Variants in ELAVL4 observed in about 807,000 individuals in gnomAD.
The protein encoded by ELAVL4 is ELAV like RNA binding protein 4.
In ELAVL4, 1 loss-of-function variant was observed where a neutral mutation model predicts 35.6. That is an observed-to-expected ratio of 0.03 (90% CI 0.01 to 0.13). The LOEUF (loss-of-function observed/expected upper bound fraction) is 0.13. Ranked by LOEUF, ELAVL4 falls within the 10% of genes least tolerant of loss-of-function variation. The pLI is 1.00. For missense variants in ELAVL4, 267 were observed against 464.9 expected (o/e 0.57, Z 3.91); for synonymous variants, 156 against 171.0 (o/e 0.91, Z 0.69).
At chr1:50,066,600 A>G (rs1370751879) in intron 1 of ELAVL4, among the ~76,000 whole-genome samples, 1 of 152,182 alleles carries the variant, frequency 6.6e-6, no homozygotes, top group Non-Finnish European at 1.5e-5. Context: ...TTATTTTAAA[A>G]TATAATTAGA....
chr1:50,079,518 T>A (rs1231637216), intron 1 of ELAVL4, among the ~76,000 whole-genome samples: 1 of 152,210 alleles, frequency 6.6e-6, no homozygotes, highest in Admixed American at 6.5e-5. Flanking sequence ...GATCACTCAC[T>A]GGATGTGGAC....
chr1:50,136,822 C>T (rs1456264907), intron 1 of ELAVL4, among the ~76,000 whole-genome samples: 5 of 152,062 alleles, frequency 3.3e-5, no homozygotes, highest in East Asian at 1.9e-4. Context: ...GCTATATCTC[C>T]GCCAGAAAAC....
chr1:50,164,728 T>C (rs995119907), intron 2 of ELAVL4, among the ~76,000 whole-genome samples: 3 of 152,210 alleles, frequency 2.0e-5, no homozygotes, highest in African/African-American at 7.2e-5. Flanking sequence ...CGGGTTCCGC[T>C]TACCAACTTC....
chr1:50,165,990 A>G lies in ELAVL4; in HGVS notation c.251-11099A>G, dbSNP rs565427074. On this transcript the variant is annotated intron_variant, in intron 2 of 6. Coordinates refer to ENST00000371824, the MANE Select transcript of ELAVL4 (RefSeq NM_001144774.3). Reference sequence around the variant, plus strand: ...TTCAAGGGCAGGAAGCATCCAGCACAGGAGAAAGATGTAGGCTGGGAGGCT... The same window carrying G: ...TTCAAGGGCAGGAAGCATCCAGCACGGGAGAAAGATGTAGGCTGGGAGGCT... Among the ~76,000 whole-genome samples the G allele has an allele frequency of 5.5e-4, 84 of 152,154 alleles. 1 individual carries two copies. Among genetic ancestry groups the G allele is most frequent in the African/African-American group, 1.9e-3 (77 of 41,474 alleles).
At chr1:50,193,137 G>A (rs1682918460) in intron 3 of ELAVL4, among the ~76,000 whole-genome samples, 2 of 152,078 alleles carry the variant, frequency 1.3e-5, no homozygotes, top group Admixed American at 6.5e-5. Flanking sequence ...CAGATGTGAC[G>A]ACAAGGTCAC....
chr1:50,089,488 C>T (rs918201275), intron 1 of ELAVL4, among the ~76,000 whole-genome samples: 1 of 152,172 alleles, frequency 6.6e-6, no homozygotes, highest in East Asian at 1.9e-4. Flanking sequence ...TGTGGTGACT[C>T]ATTCTTGTAA....
chr1:50,131,389 A>C (rs1193776768), intron 1 of ELAVL4, among the ~76,000 whole-genome samples: 1 of 152,132 alleles, frequency 6.6e-6, no homozygotes, highest in African/African-American at 2.4e-5. Flanking sequence ...GAAAAGGCAA[A>C]AGATTGTGAA....
chr1:50,104,725 T>G (rs929840166), upstream of ELAVL4, among the ~76,000 whole-genome samples: 3 of 152,252 alleles, frequency 2.0e-5, no homozygotes, highest in African/African-American at 7.2e-5. Flanking sequence ...GCATGCTTTA[T>G]AAGTAATAAG....
chr1:50,053,546 C>T (rs1663503827), intron 1 of ELAVL4, among the ~76,000 whole-genome samples: 1 of 152,114 alleles, frequency 6.6e-6, no homozygotes, highest in Non-Finnish European at 1.5e-5. Context: ...GACAGGGTCT[C>T]TCTATGTTGC....
At chr1:50,093,898 T>A (rs776238757) in intron 1 of ELAVL4, among the ~76,000 whole-genome samples, 1 of 152,250 alleles carries the variant, frequency 6.6e-6, no homozygotes, top group Non-Finnish European at 1.5e-5. Context: ...GAGTAAATGA[T>A]GTATGTTATT....
chr1:50,075,720 C>T (rs979589268), intron 1 of ELAVL4, among the ~76,000 whole-genome samples: 2 of 152,122 alleles, frequency 1.3e-5, no homozygotes, highest in Non-Finnish European at 2.9e-5. Context: ...AGGAGCCCCT[C>T]GACTTAACAG....
At chr1:50,096,978 G>C (rs1298365061) in intron 1 of ELAVL4, among the ~76,000 whole-genome samples, 1 of 152,216 alleles carries the variant, frequency 6.6e-6, no homozygotes, top group African/African-American at 2.4e-5. Flanking sequence ...CACTTTGAGA[G>C]GCCAAGGCAG....
chr1:50,079,296 C>T (rs1394386206), intron 1 of ELAVL4, among the ~76,000 whole-genome samples: 1 of 152,068 alleles, frequency 6.6e-6, no homozygotes, highest in African/African-American at 2.4e-5. Context: ...CTGATGTAGA[C>T]TAGCATGTAG....
chr1:50,062,473 T>A (rs1664040666), intron 1 of ELAVL4, among the ~76,000 whole-genome samples: 1 of 152,112 alleles, frequency 6.6e-6, no homozygotes, highest in Non-Finnish European at 1.5e-5. Context: ...AGGAACCCTC[T>A]GCACTTACCA....
chr1:50,158,989 G>A (rs1186063825), intron 2 of ELAVL4, among the ~76,000 whole-genome samples: 3 of 149,366 alleles, frequency 2.0e-5, no homozygotes, highest in Admixed American at 6.7e-5. Context: ...GCAGTGAGCC[G>A]AGATTGTGCC....
At chr1:50,070,603 A>G (rs1383500501) in intron 1 of ELAVL4, among the ~76,000 whole-genome samples, 2 of 152,074 alleles carry the variant, frequency 1.3e-5, no homozygotes, top group Non-Finnish European at 1.5e-5. Flanking sequence ...TTAGCTGGGC[A>G]TGGTGACAGG....
intron 1 of ELAVL4, among the ~76,000 whole-genome samples, chr1:50,120,255 A>G (rs955131457): frequency 6.6e-6 from 1 of 151,874 alleles, no homozygotes; most frequent in Admixed American, 6.6e-5. Context: ...GAAGGAGACA[A>G]GCTTCATGGA....
chr1:50,049,722 C>T (rs750831225), intron 1 of ELAVL4, among the ~76,000 whole-genome samples: 5 of 152,138 alleles, frequency 3.3e-5, no homozygotes, highest in Non-Finnish European at 5.9e-5. Flanking sequence ...TAACAAAATC[C>T]TTGGGGCCGA....
chr1:50,161,566 C>T (rs540786876), intron 2 of ELAVL4, among the ~76,000 whole-genome samples: 1 of 152,194 alleles, frequency 6.6e-6, no homozygotes, highest in Middle Eastern at 3.4e-3. Context: ...GAAGAAAAAT[C>T]AAGTTCAGAT....
Sources: allele counts gnomAD v4.1 joint callset (sites outside exome capture counted in the v4.1 genomes callset), GRCh38; gene constraint gnomAD v4.1.1; transcripts MANE v1.5; gene names NCBI Gene and HGNC (gene_info 2026-07-23, HGNC 2026-07-21).